The following RNASEH2B variants were observed in gnomAD, a reference collection of about 807,000 sequenced individuals.
RNASEH2B encodes ribonuclease H2 subunit B, also known as Aicardi-Goutieres syndrome 2 protein.
RNASEH2B carries 36 observed loss-of-function variants against 45.0 expected under a neutral mutation model. That is an observed-to-expected ratio of 0.80 (90% confidence interval 0.61 to 1.06). The LOEUF (loss-of-function observed/expected upper bound fraction) is 1.06, where lower values mean the gene tolerates loss of function less well. RNASEH2B is among the 50% of genes least tolerant of loss of function. RNASEH2B has a pLI of 0.00. For missense variants in RNASEH2B, 361 were observed against 360.3 expected, an observed-to-expected ratio of 1.00 and a Z score of -0.02; for synonymous variants, 119 against 125.7, an observed-to-expected ratio of 0.95 and a Z score of 0.35.
intron 8 of RNASEH2B, 22 bp downstream of exon 8, chr13:50,948,090 T>C (rs760385724): frequency 3.7e-6 from 6 of 1,609,194 alleles, no homozygotes; most frequent in Non-Finnish European, 5.1e-6. Context: ...TTATCTTCAG[T>C]CATAATGAAG....
At chr13:50,966,778 A>G (rs1952168931) in intron 9 of RNASEH2B, among the ~76,000 whole-genome samples, 1 of 152,188 alleles carries the variant, frequency 6.6e-6, no homozygotes, top group Non-Finnish European at 1.5e-5. Context: ...GGCCTTAGCA[A>G]GACACAAAGG....
At chr13:50,927,340 G>A in intron 1 of RNASEH2B, 67 bp from the exon 2 acceptor site, 1 of 932,258 alleles carries the variant, frequency 1.1e-6, no homozygotes, top group South Asian at 1.3e-5. Flanking sequence ...AGGAAAACAG[G>A]GTAAAGTAAG....
intron 1 of RNASEH2B, among the ~76,000 whole-genome samples, chr13:50,922,572 C>A (rs1466871405): frequency 6.6e-6 from 1 of 152,192 alleles, no homozygotes; most frequent in Non-Finnish European, 1.5e-5. Flanking sequence ...AGTGGCTGCA[C>A]ACCACAAGAA....
At chr13:50,969,848 C>A (rs577056866) in intron 9 of RNASEH2B, 4 of 1,363,772 alleles carry the variant, frequency 2.9e-6, no homozygotes, top group Non-Finnish European at 4.1e-6. Context: ...GCGTTCTGTT[C>A]TAGGAGCTGC....
At chr13:50,950,907 C>A (rs944590110) in intron 9 of RNASEH2B, 4 of 152,236 alleles carry the variant, frequency 2.6e-5, no homozygotes, top group African/African-American at 9.6e-5. Flanking sequence ...CAAACCTTTT[C>A]TTCTAAAGCC....
intron 5 of RNASEH2B, among the ~76,000 whole-genome samples, chr13:50,939,356 C>CAAAA (rs71190394): frequency 1.4e-5 from 2 of 145,584 alleles, no homozygotes; most frequent in Non-Finnish European, 3.0e-5. Context: ...GACTCTGTTT[C>CAAAA]AAAAGAAAAA....
At chr13:50,958,794 A>G (rs1467508463), downstream of RNASEH2B, among the ~76,000 whole-genome samples, 2 of 152,176 alleles carry the variant, frequency 1.3e-5, no homozygotes, top group Non-Finnish European at 2.9e-5. Context: ...TTATTCACAA[A>G]TGTTCACTAT....
Position 50,929,624 on chromosome 13 carries a change from C to T in RNASEH2B, c.244+42C>T, listed in dbSNP as rs759876767. 6 of 1,259,986 alleles carry T rather than the reference C, an allele frequency of 4.8e-6. No homozygotes were observed. In the Admixed American group the frequency reaches 1.0e-4, roughly 22 times the overall value. 78.1% of individuals were successfully genotyped at this position (1,259,986 alleles called of 1,614,324 possible). On this transcript the variant is annotated intron_variant, in intron 3 of 10. Coordinates refer to ENST00000336617, the MANE Select transcript of RNASEH2B (RefSeq NM_024570.4). ...AGCATTTCCAATAACTAAACACATA[C>T]TCCAGCTTTTCCATTCTTCACACGT...
In RNASEH2B at chr13:50,914,582, C is replaced by T. The variant is rs568414498; in HGVS notation, c.64+4442C>T. Reference sequence around the variant, plus strand: ...GGCTTTGTTTTTGCAAAATGTTTTTCGGTGGGACCCGACTGACCTTTCTCA... The same window carrying T: ...GGCTTTGTTTTTGCAAAATGTTTTTTGGTGGGACCCGACTGACCTTTCTCA... On this transcript the variant is annotated intron_variant, in intron 1 of 10. Coordinates refer to ENST00000336617, the MANE Select transcript of RNASEH2B (RefSeq NM_024570.4). 7.2e-5 allele frequency among the ~76,000 whole-genome samples: 11 copies of T among 152,230 alleles called. No homozygotes were observed. The East Asian group carries it at 9.6e-4, about 13-fold the overall frequency.
chr13:50,962,575 A>G (rs1425077221), intron 9 of RNASEH2B, among the ~76,000 whole-genome samples: 1 of 152,066 alleles, frequency 6.6e-6, no homozygotes, highest in Non-Finnish European at 1.5e-5. Context: ...GATGTTGGTC[A>G]TCTGTGTCTT....
At position 50,930,775 on chromosome 13, in the gene RNASEH2B, G is replaced by A. The variant is rs1490426503; in HGVS notation, c.321+16G>A. The A allele has an allele frequency of 4.4e-6, 7 of 1,585,374 alleles. No individual in the cohort carries two copies. The highest frequency in any genetic ancestry group is 4.0e-5 in the African/African-American group (3 of 74,320). On this transcript the variant is annotated intron_variant, in intron 4 of 10. Coordinates refer to ENST00000336617, the MANE Select transcript of RNASEH2B (RefSeq NM_024570.4). ...TGATAAGGAGGTGAGTTTCCAGCTC[G>A]GAGCATCCACAGTGAGGAAACAGAA...
intron 1 of RNASEH2B, chr13:50,921,209 T>C (rs1463670372): frequency 6.6e-6 from 1 of 152,220 alleles, no homozygotes; most frequent in East Asian, 1.9e-4. Context: ...AGGTTGAGTA[T>C]CTTGCACAGA....
At chr13:50,962,074 C>A (rs905800859) in intron 9 of RNASEH2B, among the ~76,000 whole-genome samples, 7 of 151,932 alleles carry the variant, frequency 4.6e-5, no homozygotes, top group South Asian at 2.1e-4. Context: ...GTATATTATT[C>A]TTTTTATATG....
intron 1 of RNASEH2B, among the ~76,000 whole-genome samples, chr13:50,923,646 A>G (rs1171551702): frequency 6.6e-6 from 1 of 152,240 alleles, no homozygotes; most frequent in African/African-American, 2.4e-5. Context: ...ATGTGTCACT[A>G]GCAGACCTGT....
intron 1 of RNASEH2B, among the ~76,000 whole-genome samples, chr13:50,913,352 TG>T (rs1215453250): frequency 6.6e-6 from 1 of 152,188 alleles, no homozygotes; most frequent in Non-Finnish European, 1.5e-5. Flanking sequence ...GCTACTAAGT[TG>T]GGATGTACCC....
At chr13:50,928,147 G>A (rs1483455516) in intron 2 of RNASEH2B, among the ~76,000 whole-genome samples, 2 of 152,078 alleles carry the variant, frequency 1.3e-5, no homozygotes, top group Non-Finnish European at 1.5e-5. Flanking sequence ...AGTAATATGG[G>A]TGATAGTGTT....
intron 2 of RNASEH2B, among the ~76,000 whole-genome samples, chr13:50,927,822 A>G (rs1030116323): frequency 2.6e-5 from 4 of 152,136 alleles, no homozygotes; most frequent in East Asian, 1.9e-4. Context: ...ATTAGCCTCC[A>G]TTTATATCCA....
chr13:50,960,164 A>G, downstream of RNASEH2B: 1 of 1,148,116 alleles, frequency 8.7e-7, no homozygotes. Context: ...CCAACTGGTC[A>G]TTTTGTGGTA....
At chr13:50,939,520 T>G (rs1447563309) in intron 5 of RNASEH2B, among the ~76,000 whole-genome samples, 1 of 152,084 alleles carries the variant, frequency 6.6e-6, no homozygotes, top group East Asian at 1.9e-4. Context: ...ACCCTGTCCC[T>G]AAATTTAAAA....
Sources: allele counts gnomAD v4.1 joint callset (sites outside exome capture counted in the v4.1 genomes callset), GRCh38; gene constraint gnomAD v4.1.1; transcripts MANE v1.5; gene names NCBI Gene and HGNC (gene_info 2026-07-23, HGNC 2026-07-21).